Variants in MRAP2 observed in about 807,000 individuals in gnomAD.
The protein encoded by MRAP2 is melanocortin-2 receptor accessory protein 2.
A neutral mutation model predicts 17.4 loss-of-function variants in MRAP2; 20 were observed. The observed-to-expected ratio is 1.15, with a 90% CI of 0.81 to 1.67. The LOEUF (loss-of-function observed/expected upper bound fraction) is 1.67. MRAP2 is among the 40% of genes most tolerant of loss of function. The pLI is 0.00. For synonymous variants in MRAP2, 96 were observed against 88.4 expected, an observed-to-expected ratio of 1.09 and a Z score of -0.48; for missense variants, 238 against 240.0, an observed-to-expected ratio of 0.99 and a Z score of 0.05.
At chr6:84,098,795 T>C in the MRAP2 span, among the ~76,000 whole-genome samples, 1 of 152,188 alleles carries the variant, frequency 6.6e-6, no homozygotes, top group South Asian at 2.1e-4. Context: ...ATTGTTTTAT[T>C]AGGGAATTTG....
intron 1 of MRAP2, among the ~76,000 whole-genome samples, chr6:84,037,037 G>A (rs180824219): frequency 3.3e-5 from 5 of 151,326 alleles, no homozygotes; most frequent in Non-Finnish European, 5.9e-5. Context: ...CAAGAACCCC[G>A]AGCTAGACAA....
the MRAP2 span, among the ~76,000 whole-genome samples, chr6:84,119,801 A>G: frequency 2.0e-5 from 3 of 152,198 alleles, no homozygotes; most frequent in Non-Finnish European, 2.9e-5. Context: ...ACTGTTGGAA[A>G]TAAGACTCCT....
the MRAP2 span, among the ~76,000 whole-genome samples, chr6:84,135,386 C>T: frequency 7.9e-5 from 12 of 152,276 alleles, no homozygotes; most frequent in African/African-American, 2.9e-4. Context: ...AGACAGATAT[C>T]ACTGACTGCT....
intron 3 of MRAP2, among the ~76,000 whole-genome samples, chr6:84,084,903 AT>A (rs1292960688): frequency 9.1e-5 from 10 of 109,520 alleles, no homozygotes; most frequent in East Asian, 2.5e-4. Context: ...ATTTTATTTT[AT>A]TTTATTTTAT....
intron 1 of MRAP2, among the ~76,000 whole-genome samples, chr6:84,037,840 A>T (rs1468369094): frequency 6.6e-6 from 1 of 151,722 alleles, no homozygotes; most frequent in Non-Finnish European, 1.5e-5. Context: ...ACCTCCCCGC[A>T]AGCAGAGGGA....
At chr6:84,070,957 T>C (rs1247623756) in intron 3 of MRAP2, among the ~76,000 whole-genome samples, 1 of 152,166 alleles carries the variant, frequency 6.6e-6, no homozygotes, top group Non-Finnish European at 1.5e-5. Context: ...TGTGAGTCCT[T>C]ACATGTTAGG....
intron 3 of MRAP2, among the ~76,000 whole-genome samples, chr6:84,080,342 G>T (rs1015656447): frequency 7.2e-5 from 11 of 152,106 alleles, no homozygotes; most frequent in Non-Finnish European, 8.8e-5. Context: ...TATTGCCAGG[G>T]TTTTTAACAT....
the MRAP2 span, among the ~76,000 whole-genome samples, chr6:84,131,259 A>G: frequency 2.0e-5 from 3 of 152,116 alleles, no homozygotes; most frequent in African/African-American, 7.2e-5. Context: ...TTTGCTGAGG[A>G]GTGTTTTACT....
At chr6:84,128,006 C>T in the MRAP2 span, among the ~76,000 whole-genome samples, 1 of 152,080 alleles carries the variant, frequency 6.6e-6, no homozygotes, top group Non-Finnish European at 1.5e-5. Context: ...TTTTATTAAG[C>T]CTTATATATG....
At chr6:84,060,748 C>T (rs578035971) in intron 2 of MRAP2, among the ~76,000 whole-genome samples, 184 of 151,086 alleles carry the variant, frequency 1.2e-3, no homozygotes, top group Middle Eastern at 6.8e-3. Context: ...TGCTGTGGCG[C>T]GATCTTGGCT....
chr6:84,095,084 TCA>T (rs1351589921), downstream of MRAP2, among the ~76,000 whole-genome samples: 2 of 152,348 alleles, frequency 1.3e-5, no homozygotes, highest in African/African-American at 4.8e-5. Context: ...CCTCCAGGTC[TCA>T]CAGTGTGGAG....
At chr6:84,111,829 G>C in the MRAP2 span, among the ~76,000 whole-genome samples, 3 of 152,072 alleles carry the variant, frequency 2.0e-5, no homozygotes, top group African/African-American at 7.2e-5. Flanking sequence ...GTTGAATTTT[G>C]TCGAAGGCCT....
At chr6:84,140,368 A>G in the MRAP2 span, among the ~76,000 whole-genome samples, 2 of 150,928 alleles carry the variant, frequency 1.3e-5, no homozygotes, top group African/African-American at 4.9e-5. Flanking sequence ...TTGAAACACC[A>G]TTTTCACACA....
At chr6:84,135,139 G>C in the MRAP2 span, among the ~76,000 whole-genome samples, 5 of 152,098 alleles carry the variant, frequency 3.3e-5, no homozygotes, top group African/African-American at 9.7e-5. Flanking sequence ...TGGGATTATA[G>C]TGATTTTATA....
chr6:84,143,577 AAGG>A, the MRAP2 span, among the ~76,000 whole-genome samples: 1 of 151,996 alleles, frequency 6.6e-6, no homozygotes, highest in South Asian at 2.1e-4. Flanking sequence ...TATAATGAAA[AAGG>A]AGAACGAAGA....
At chr6:84,098,004 C>T in the MRAP2 span, among the ~76,000 whole-genome samples, 1 of 152,092 alleles carries the variant, frequency 6.6e-6, no homozygotes, top group African/African-American at 2.4e-5. Flanking sequence ...TTGAAGTGCA[C>T]AATTTAATAC....
At chr6:84,123,712 C>A in the MRAP2 span, among the ~76,000 whole-genome samples, 1 of 151,842 alleles carries the variant, frequency 6.6e-6, no homozygotes, top group South Asian at 2.1e-4. Flanking sequence ...GCAACAAAAC[C>A]AAAAATAGAT....
At chr6:84,126,427 A>C in the MRAP2 span, 2 of 1,601,506 alleles carry the variant, frequency 1.2e-6, no homozygotes, top group Non-Finnish European at 1.7e-6. Flanking sequence ...CATCTGCTTA[A>C]TTTTCTTTTC....
rs2099495237 is a variant in MRAP2, at chr6:84,068,149, C to T, written c.227+5157C>T. Among the ~76,000 whole-genome samples, 3 of 152,268 alleles carry T rather than the reference C, an allele frequency of 2.0e-5. No homozygotes were observed. The South Asian group carries it at 6.2e-4, about 32-fold the overall frequency. On this transcript the variant is annotated intron_variant, in intron 3 of 3. Transcript: ENST00000257776. ...CAGCGCCATTTGTTCAAAAGAGTGT[C>T]CTTTCCCCACTTTATGTTTTTGTTT... is the stretch of plus-strand genomic sequence containing the variant.
Sources: allele counts gnomAD v4.1 joint callset (sites outside exome capture counted in the v4.1 genomes callset), GRCh38; gene constraint gnomAD v4.1.1; transcripts MANE v1.5; gene names NCBI Gene and HGNC (gene_info 2026-07-23, HGNC 2026-07-21).